Variants in IL34 observed in about 807,000 individuals in gnomAD.
IL34 encodes interleukin 34, also known as interleukin-34.
A neutral mutation model predicts 25.3 loss-of-function variants in IL34; 17 were observed. That is an observed-to-expected ratio of 0.67 (90% CI 0.46 to 1.01). The LOEUF is 1.01. Ranked by LOEUF, IL34 falls within the 50% of genes least tolerant of loss-of-function variation. The pLI is 0.00. For missense variants in IL34, 368 were observed against 312.9 expected (o/e 1.18, Z -1.33); for synonymous variants, 174 against 140.9 (o/e 1.23, Z -1.66).
At chr16:70,650,862 G>A (rs974110163) in intron 1 of IL34, among the ~76,000 whole-genome samples, 2 of 152,124 alleles carry the variant, frequency 1.3e-5, no homozygotes, top group Non-Finnish European at 1.5e-5. Flanking sequence ...TACTGCTTGA[G>A]GCGAATCCCC....
At chr16:70,609,843 T>C (rs1019364602) in intron 1 of IL34, among the ~76,000 whole-genome samples, 3 of 152,150 alleles carry the variant, frequency 2.0e-5, no homozygotes, top group Non-Finnish European at 4.4e-5. Flanking sequence ...AGAGAGAAAC[T>C]CAGATCTATA....
chr16:70,620,423 C>A (rs540978678), intron 1 of IL34, among the ~76,000 whole-genome samples: 1,553 of 148,296 alleles, frequency 0.01, 15 homozygotes, highest in African/African-American at 0.027. Context: ...ACTGTAAGCC[C>A]CACCAGGTGT....
chr16:70,641,555 G>T (rs1390682806), intron 1 of IL34, among the ~76,000 whole-genome samples: 5 of 105,222 alleles, frequency 4.8e-5, no homozygotes, highest in Non-Finnish European at 7.1e-5. Flanking sequence ...CTTCCTTCCT[G>T]CCTTTCTTTC....
chr16:70,637,442 G>A (rs143899284), intron 1 of IL34, among the ~76,000 whole-genome samples: 10 of 151,762 alleles, frequency 6.6e-5, no homozygotes, highest in East Asian at 3.9e-4. Flanking sequence ...TCTGCCTCTC[G>A]GGTTCAAGTA....
At chr16:70,625,557 TTGC>T (rs1398258743) in intron 1 of IL34, among the ~76,000 whole-genome samples, 3 of 152,046 alleles carry the variant, frequency 2.0e-5, no homozygotes, top group African/African-American at 7.2e-5. Flanking sequence ...AAAGCGGGAC[TTGC>T]TGCTAAGGGT....
chr16:70,637,775 T>C (rs2051689791), intron 1 of IL34, among the ~76,000 whole-genome samples: 1 of 152,218 alleles, frequency 6.6e-6, no homozygotes, highest in Admixed American at 6.5e-5. Flanking sequence ...TGAATCTGAC[T>C]TTTTTCAGAG....
intron 1 of IL34, among the ~76,000 whole-genome samples, chr16:70,617,985 A>G (rs2051200384): frequency 6.6e-6 from 1 of 152,178 alleles, no homozygotes; most frequent in African/African-American, 2.4e-5. Flanking sequence ...ATGTTGAGTA[A>G]AGCTAATTTG....
intron 2 of IL34, among the ~76,000 whole-genome samples, chr16:70,656,310 G>A (rs1261001885): frequency 3.3e-5 from 5 of 152,064 alleles, no homozygotes; most frequent in Non-Finnish European, 5.9e-5. Flanking sequence ...GCTTGAGCCC[G>A]GGATTCAAGA....
At chr16:70,622,726 G>A (rs552417360) in intron 1 of IL34, among the ~76,000 whole-genome samples, 3 of 152,204 alleles carry the variant, frequency 2.0e-5, no homozygotes, top group East Asian at 3.9e-4. Context: ...GACTTAAAGA[G>A]TGAGTACAGC....
At chr16:70,644,221 CTG>C (rs372719369), upstream of IL34, among the ~76,000 whole-genome samples, 822 of 152,276 alleles carry the variant, frequency 5.4e-3, 10 homozygotes, top group African/African-American at 0.018. Context: ...ATGGACAACT[CTG>C]TGGAAATAAC....
At chr16:70,659,570 G>A in intron 4 of IL34, 48 bp from the exon 5 acceptor site, 5 of 1,561,600 alleles carry the variant, frequency 3.2e-6, no homozygotes, top group Non-Finnish European at 4.4e-6. Flanking sequence ...GCTCTCCTGG[G>A]GTGCGGCCCC....
At chr16:70,597,877 G>A (rs189478387) in intron 1 of IL34, among the ~76,000 whole-genome samples, 3 of 152,124 alleles carry the variant, frequency 2.0e-5, no homozygotes, top group South Asian at 2.1e-4. Context: ...TGCTCTTGTC[G>A]TCCAGGCTGG....
chr16:70,595,024 G>T (rs1237466837), intron 1 of IL34, among the ~76,000 whole-genome samples: 2 of 149,240 alleles, frequency 1.3e-5, no homozygotes, highest in Admixed American at 6.7e-5. Context: ...GTGCGATCTC[G>T]GCTCACTGCA....
upstream of IL34, among the ~76,000 whole-genome samples, chr16:70,644,589 T>G (rs1240606249): frequency 6.6e-6 from 1 of 151,884 alleles, no homozygotes; most frequent in African/African-American, 2.4e-5. Flanking sequence ...TATATGTAAA[T>G]TAGCCCTCAA....
At chr16:70,592,600 A>T (rs2050769017) in intron 1 of IL34, among the ~76,000 whole-genome samples, 1 of 152,160 alleles carries the variant, frequency 6.6e-6, no homozygotes, top group South Asian at 2.1e-4. Flanking sequence ...ACTTCCTTAA[A>T]AAAAATCAGT....
intron 1 of IL34, among the ~76,000 whole-genome samples, chr16:70,581,264 T>A (rs180883130): frequency 1.4e-4 from 21 of 152,312 alleles, no homozygotes; most frequent in Non-Finnish European, 2.8e-4. Flanking sequence ...GATGTTGTTT[T>A]AAGGTCCACG....
chr16:70,653,324 G>C (rs536777149), intron 1 of IL34, among the ~76,000 whole-genome samples: 3 of 142,290 alleles, frequency 2.1e-5, no homozygotes, highest in Non-Finnish European at 4.5e-5. Context: ...ACAAGCCTGG[G>C]CAACATAGCA....
At chr16:70,616,767 G>A (rs965874569) in intron 1 of IL34, among the ~76,000 whole-genome samples, 2 of 152,124 alleles carry the variant, frequency 1.3e-5, no homozygotes, top group African/African-American at 2.4e-5. Flanking sequence ...TCAGTTAGGT[G>A]GGGCAGGAAC....
chr16:70,649,650 G>A (rs1051053661), intron 1 of IL34, among the ~76,000 whole-genome samples: 2 of 152,168 alleles, frequency 1.3e-5, no homozygotes, highest in Admixed American at 6.5e-5. Context: ...CACAGGTTCA[G>A]ATTTGGTCCC....
Sources: gnomAD v4.1 joint callset for allele counts (sites outside exome capture counted in the v4.1 genomes callset) on GRCh38, gnomAD v4.1.1 for gene constraint, MANE v1.5 for transcripts, NCBI Gene and HGNC (gene_info 2026-07-23, HGNC 2026-07-21) for gene names.